Variants in TMPRSS11F observed in about 807,000 individuals in gnomAD.
The protein encoded by TMPRSS11F is transmembrane serine protease 11F, also known as transmembrane protease serine 11F.
Under a neutral mutation model 60.2 loss-of-function variants are expected in TMPRSS11F, and 47 were observed. The ratio of observed to expected loss-of-function variants is 0.78; its 90% CI spans 0.62 to 1.00. The LOEUF (loss-of-function observed/expected upper bound fraction) is 1.00. Among genes scored for constraint, TMPRSS11F ranks in the 50% least tolerant of loss-of-function variants. The pLI, the probability that TMPRSS11F is intolerant of heterozygous loss-of-function variation, is 0.00. For synonymous variants in TMPRSS11F, 166 were observed against 167.3 expected (o/e 0.99, Z 0.06); for missense variants, 519 against 522.9 (o/e 0.99, Z 0.07).
chr4:68,065,892 T>C (rs1387211119), intron 7 of TMPRSS11F, among the ~76,000 whole-genome samples: 4 of 151,718 alleles, frequency 2.6e-5, no homozygotes, highest in Middle Eastern at 3.2e-3. Flanking sequence ...CCAAGGCGGG[T>C]AGACCATGAG....
At chr4:68,059,566 G>T (rs771636238) in intron 8 of TMPRSS11F, 98 bp from the exon 9 acceptor site, 49 of 1,217,300 alleles carry the variant, frequency 4.0e-5, no homozygotes, top group Non-Finnish European at 5.1e-5. Flanking sequence ...AAAAGCCAAA[G>T]ATTATTTTAT....
intron 2 of TMPRSS11F, among the ~76,000 whole-genome samples, chr4:68,094,741 G>T (rs549629715): frequency 1.3e-5 from 2 of 151,796 alleles, no homozygotes; most frequent in Non-Finnish European, 2.9e-5. Context: ...TTACTCTTTA[G>T]GTTTTCAAGA....
At chr4:68,113,370 T>C (rs974690436) in intron 1 of TMPRSS11F, among the ~76,000 whole-genome samples, 8 of 151,294 alleles carry the variant, frequency 5.3e-5, no homozygotes, top group African/African-American at 1.7e-4. Context: ...TTGCTGAAGA[T>C]ATGGCTTGGC....
intron 1 of TMPRSS11F, among the ~76,000 whole-genome samples, chr4:68,121,344 G>A (rs903525494): frequency 1.3e-5 from 2 of 152,114 alleles, no homozygotes; most frequent in African/African-American, 4.8e-5. Flanking sequence ...TTAAAATAGT[G>A]ACTGAAAAAG....
At chr4:68,097,627 G>T (rs757626758) in intron 2 of TMPRSS11F, among the ~76,000 whole-genome samples, 5 of 151,988 alleles carry the variant, frequency 3.3e-5, no homozygotes, top group Non-Finnish European at 5.9e-5. Flanking sequence ...TGGGAATGGG[G>T]CATTATTCAG....
chr4:68,092,216 A>G (rs1253158891), intron 2 of TMPRSS11F, among the ~76,000 whole-genome samples: 2 of 122,130 alleles, frequency 1.6e-5, no homozygotes. Context: ...CATTTTTTAG[A>G]TCATAAATGC....
At chr4:68,108,291 G>A (rs1455451083) in intron 1 of TMPRSS11F, among the ~76,000 whole-genome samples, 2 of 152,140 alleles carry the variant, frequency 1.3e-5, no homozygotes, top group Non-Finnish European at 2.9e-5. Context: ...ATAATCCAGT[G>A]GATATGAAAC....
At chr4:68,080,146 AT>A (rs1723662723) in intron 3 of TMPRSS11F, 1 of 152,126 alleles carries the variant, frequency 6.6e-6, no homozygotes, top group South Asian at 2.1e-4. Flanking sequence ...ACTCAAAAGG[AT>A]TTTTCTTCTT....
At chr4:68,127,972 T>C (rs1320947678) in intron 1 of TMPRSS11F, among the ~76,000 whole-genome samples, 4 of 152,134 alleles carry the variant, frequency 2.6e-5, no homozygotes, top group Non-Finnish European at 5.9e-5. Flanking sequence ...CATTTACTTA[T>C]AAACCTTCCC....
At chr4:68,074,076 A>G in intron 3 of TMPRSS11F, 67 bp from the exon 4 acceptor site, 1 of 994,908 alleles carries the variant, frequency 1.0e-6, no homozygotes, top group Non-Finnish European at 1.4e-6. Flanking sequence ...AATTTTTTAA[A>G]AGAAGTATTA....
intron 7 of TMPRSS11F, among the ~76,000 whole-genome samples, chr4:68,065,754 C>T (rs1723311679): frequency 8.1e-6 from 1 of 123,092 alleles, no homozygotes; most frequent in Non-Finnish European, 1.8e-5. Context: ...GAATCATCAA[C>T]CTTTAAATGT....
chr4:68,120,714 T>A (rs1318904424), intron 1 of TMPRSS11F, among the ~76,000 whole-genome samples: 2 of 152,156 alleles, frequency 1.3e-5, no homozygotes, highest in East Asian at 3.9e-4. Context: ...AAGAGTCAAT[T>A]TATGAAACAA....
chr4:68,108,074 T>G (rs1724338298), intron 1 of TMPRSS11F, among the ~76,000 whole-genome samples: 1 of 152,142 alleles, frequency 6.6e-6, no homozygotes, highest in Admixed American at 6.6e-5. Context: ...CAAAACTGAT[T>G]AGGGGACCCT....
At chr4:68,121,273 G>C (rs1724620903) in intron 1 of TMPRSS11F, among the ~76,000 whole-genome samples, 1 of 152,082 alleles carries the variant, frequency 6.6e-6, no homozygotes, top group Non-Finnish European at 1.5e-5. Context: ...GTTTCTTAAG[G>C]AATCAAATTC....
intron 3 of TMPRSS11F, among the ~76,000 whole-genome samples, chr4:68,074,391 A>G (rs534543434): frequency 6.6e-6 from 1 of 152,376 alleles, no homozygotes; most frequent in African/African-American, 2.4e-5. Flanking sequence ...ATAGTTTTAA[A>G]TACTGTCAAG....
At chr4:68,124,940 C>T (rs1202463236) in intron 1 of TMPRSS11F, among the ~76,000 whole-genome samples, 1 of 104,108 alleles carries the variant, frequency 9.6e-6, no homozygotes, top group Non-Finnish European at 1.9e-5. Context: ...AGTATCTAAA[C>T]CAGCATTTTT....
intron 6 of TMPRSS11F, among the ~76,000 whole-genome samples, chr4:68,069,596 G>T (rs1225267379): frequency 6.6e-6 from 1 of 150,802 alleles, no homozygotes; most frequent in Non-Finnish European, 1.5e-5. Context: ...GTACATAACA[G>T]ATATTTCAAT....
intron 1 of TMPRSS11F, among the ~76,000 whole-genome samples, chr4:68,101,302 C>T (rs771857473): frequency 1.6e-4 from 25 of 152,054 alleles, no homozygotes; most frequent in Admixed American, 2.0e-4. Flanking sequence ...CTGGCAGGTA[C>T]AGTATGCAGA....
chr4:68,129,815 C>T lies in TMPRSS11F; in HGVS notation c.6G>A (p.Met2Ile), dbSNP rs1320146997. The change falls in exon 1 of 10, where the codon ATG becomes ATA. Residue 2 changes from methionine (M) to isoleucine (I), a missense_variant. Physicochemically the swap from Met to Ile is conservative, Grantham distance 10. Coordinates refer to ENST00000356291, the MANE Select transcript of TMPRSS11F (RefSeq NM_207407.2). ...GAGAAAAGCTGAATACTTACGCGTA[C>T]ATCATGAACCCAGGACTGGGGCAGC... M[M>I]YAPVEFSEAE... 5.6e-6 allele frequency: 9 copies of T among 1,613,376 alleles called. No individual in the cohort carries two copies. Among genetic ancestry groups the T allele is most frequent in the Non-Finnish European group, 7.6e-6 (9 of 1,179,458 alleles).
Sources: allele counts gnomAD v4.1 joint callset (sites outside exome capture counted in the v4.1 genomes callset), GRCh38; gene constraint gnomAD v4.1.1; transcripts MANE v1.5; gene names NCBI Gene and HGNC (gene_info 2026-07-23, HGNC 2026-07-21).